PLXNA2: variants seen among roughly 807,000 people sequenced by gnomAD.
The protein encoded by PLXNA2 is plexin A2.
PLXNA2 carries 91 observed loss-of-function variants against 193.5 expected under a neutral mutation model. The ratio of observed to expected loss-of-function variants is 0.47; its 90% CI spans 0.40 to 0.56. The LOEUF (loss-of-function observed/expected upper bound fraction) is 0.56, where lower values mean the gene tolerates loss of function less well. Ranked by LOEUF, PLXNA2 falls within the 20% of genes least tolerant of loss-of-function variation. PLXNA2 has a pLI of 0.00. For missense variants in PLXNA2, 1,995 were observed against 2,503.2 expected (o/e 0.80, Z 4.33); for synonymous variants, 997 against 1,027.3 (o/e 0.97, Z 0.56).
At position 208,097,452 on chromosome 1, in the gene PLXNA2, A is replaced by G. The variant is rs145273158; in HGVS notation, c.1732-569T>C. Among the ~76,000 whole-genome samples, 545 of 152,268 alleles carry G rather than the reference A, an allele frequency of 3.6e-3. 2 individuals are homozygous for G. Among genetic ancestry groups the G allele is most frequent in the Non-Finnish European group, 5.3e-3 (361 of 68,026 alleles). ...GTTCCATGTGGGCTCTCTGTTCTCTAGCAGCTCCCTTGAAATGGACCAGTA... is the reference window on the plus strand; with the variant it reads ...GTTCCATGTGGGCTCTCTGTTCTCTGGCAGCTCCCTTGAAATGGACCAGTA... On this transcript the variant is annotated intron_variant, in intron 6 of 31. Transcript: ENST00000367033.
At position 208,190,528 on chromosome 1, in the gene PLXNA2, A is replaced by C. The variant is rs139057988; in HGVS notation, c.1371+19752T>G. 3.8e-3 allele frequency among the ~76,000 whole-genome samples: 572 copies of C among 152,356 alleles called. 2 individuals carry two copies. The highest frequency in any genetic ancestry group is 0.014 in the Middle Eastern group (4 of 294). ...TCCAGAAATGTTGGTTGCCTTGATC[A>C]GGGTTTGTCAACCTCAGTACTATCG... is the stretch of plus-strand genomic sequence containing the variant. On this transcript the variant is annotated intron_variant, in intron 3 of 31. Transcript: ENST00000367033.
intron 4 of PLXNA2, among the ~76,000 whole-genome samples, chr1:208,141,268 C>T (rs1214344396): frequency 1.3e-5 from 2 of 152,204 alleles, no homozygotes; most frequent in Admixed American, 1.3e-4. Flanking sequence ...GCTCATCCCT[C>T]ATCCCCTGAT....
At chr1:208,210,594 C>CT (rs1404566386) in intron 2 of PLXNA2, 132 bp from the exon 3 acceptor site, 5 of 686,344 alleles carry the variant, frequency 7.3e-6, no homozygotes, top group Non-Finnish European at 1.2e-5. Context: ...TTCAGGGGCC[C>CT]TAATACAAGC....
At chr1:208,092,759 T>C (rs1323802533) in intron 9 of PLXNA2, 27 bp downstream of exon 9, 1 of 1,523,998 alleles carries the variant, frequency 6.6e-7, no homozygotes, top group Admixed American at 1.7e-5. Flanking sequence ...CTGGGAACAC[T>C]GCCATGTTAG....
At position 208,121,453 on chromosome 1, in the gene PLXNA2, G is replaced by A. The variant is rs1178026699; in HGVS notation, c.1507-18206C>T. On this transcript the variant is annotated intron_variant, in intron 4 of 31. Coordinates refer to ENST00000367033, the MANE Select transcript of PLXNA2 (RefSeq NM_025179.4). ...CACCTTGAATTGTAATCAAAGGCAG[G>A]ACCAGGTGGAGGTAATTGAATCATG... is the stretch of plus-strand genomic sequence containing the variant. Among the ~76,000 whole-genome samples, 5 of 152,310 alleles carry A rather than the reference G, an allele frequency of 3.3e-5. No homozygotes were observed. In the East Asian group the frequency reaches 9.6e-4, roughly 29 times the overall value.
At chr1:208,225,549 G>C (rs1781018) in intron 1 of PLXNA2, among the ~76,000 whole-genome samples, 46,021 of 152,114 alleles carry the variant, frequency 0.3, 7,133 homozygotes, top group East Asian at 0.42. Context: ...CTGGGCTCAA[G>C]TGATCCTCTA....
intron 1 of PLXNA2, among the ~76,000 whole-genome samples, chr1:208,241,288 C>T (rs910293724): frequency 6.6e-6 from 1 of 152,202 alleles, no homozygotes; most frequent in African/African-American, 2.4e-5. Context: ...TTTACATTCA[C>T]CGCATCTGCA....
intron 3 of PLXNA2, among the ~76,000 whole-genome samples, chr1:208,157,663 A>C (rs1668977738): frequency 6.6e-6 from 1 of 152,196 alleles, no homozygotes. Context: ...ATAAAAATTC[A>C]TAGACTCCTG....
chr1:208,098,396 C>T (rs1666976650), intron 6 of PLXNA2, among the ~76,000 whole-genome samples: 1 of 150,206 alleles, frequency 6.7e-6, no homozygotes, highest in East Asian at 2.0e-4. Context: ...ACACTGACTT[C>T]GAATTGAGGC....
At chr1:208,114,641 G>T (rs555558085) in intron 4 of PLXNA2, among the ~76,000 whole-genome samples, 34 of 152,220 alleles carry the variant, frequency 2.2e-4, no homozygotes, top group African/African-American at 7.5e-4. Flanking sequence ...CCACTATCTC[G>T]CAGCTTTCCT....
At chr1:208,173,704 G>C (rs1166680516) in intron 3 of PLXNA2, among the ~76,000 whole-genome samples, 1 of 152,232 alleles carries the variant, frequency 6.6e-6, no homozygotes, top group African/African-American at 2.4e-5. Context: ...TGCTGAGCCT[G>C]TCTCAAGGGT....
rs34413554 is a variant in PLXNA2, at chr1:208,209,983, A to AATTTTTTTTTTTTTTTTTTTTTTTTTT, written c.1371+296_1371+297insAAAAAAAAAAAAAAAAAAAAAAAAAAT. 2.8e-3 allele frequency: 250 copies of AATTTTTTTTTTTTTTTTTTTTTTTTTT among 87,940 alleles called. 78 individuals carry two copies. The highest frequency in any genetic ancestry group is 0.017 in the East Asian group (42 of 2,452). The allele number at this position is 87,940 out of a possible 1,614,324, so 5.4% of individuals were successfully genotyped here. On this transcript the variant is annotated intron_variant, in intron 3 of 31. Transcript: ENST00000367033. Reference sequence around the variant, plus strand: ...TTGCTTGATTTGGGAATGAAGAGCAATTTTTTTTTTTTTTTTTTTTTGCTT... The same window carrying AATTTTTTTTTTTTTTTTTTTTTTTTTT: ...TTGCTTGATTTGGGAATGAAGAGCAAATTTTTTTTTTTTTTTTTTTTTTTTTTTTTTTTTTTTTTTTTTTTTTTGCTT...
intron 3 of PLXNA2, among the ~76,000 whole-genome samples, chr1:208,203,751 A>C (rs1303709792): frequency 6.6e-6 from 1 of 151,486 alleles, no homozygotes; most frequent in African/African-American, 2.4e-5. Context: ...GCTACAGCTC[A>C]GTTTCCTACA....
chr1:208,038,965 G>C lies in PLXNA2; in HGVS notation c.4520C>G (p.Pro1507Arg), dbSNP rs1005245951. ...GATCTCTGGACTGTTCTCGTTGTCA[G>C]GGTTGACGCAGTTCAGGATCTACAA... Reference protein sequence around the residue: ...YKTLILNCVNPDNENSPEIPV... With the variant: ...YKTLILNCVNRDNENSPEIPV... Residue 1507 changes from proline to arginine, a missense_variant, in exon 25 of 32, where the codon CCT becomes CGT. By Grantham distance (103) the Pro-to-Arg change is moderately radical. Transcript: ENST00000367033. This position sits in a 1 kb window ranked among gnomAD's most constrained non-coding sequence, Gnocchi z 4.1. The C allele has an allele frequency of 3.7e-6, 6 of 1,613,966 alleles. No individual in the cohort carries two copies. In the African/African-American group the frequency reaches 8.0e-5, roughly 22 times the overall value.
At chr1:208,185,714 A>AAAAAAAAAAAAAAAAAAAAAAAAAAG (rs1558234131) in intron 3 of PLXNA2, among the ~76,000 whole-genome samples, 1 of 135,920 alleles carries the variant, frequency 7.4e-6, no homozygotes, top group East Asian at 2.1e-4. Context: ...AAAAAAAAAA[A>AAAAAAAAAAAAAAAAAAAAAAAAAAG]AAAAGGAAAA....
At chr1:208,206,161 G>T (rs1670713597) in intron 3 of PLXNA2, among the ~76,000 whole-genome samples, 1 of 152,160 alleles carries the variant, frequency 6.6e-6, no homozygotes, top group Non-Finnish European at 1.5e-5. Context: ...TCTATGTCCT[G>T]CTTTATTCAC....
chr1:208,099,964 T>C (rs1468538691), intron 5 of PLXNA2, among the ~76,000 whole-genome samples: 3 of 151,900 alleles, frequency 2.0e-5, no homozygotes, highest in Admixed American at 2.0e-4. Context: ...GAAAAGCAAA[T>C]GAACTTTGGG....
At position 208,029,777 on chromosome 1, in the gene PLXNA2, G is replaced by A. The variant is rs1664445661; in HGVS notation, c.5226-735C>T. 4 of 985,562 alleles carry A rather than the reference G, an allele frequency of 4.1e-6. No individual in the cohort carries two copies. In the African/African-American group the frequency reaches 5.2e-5, roughly 13 times the overall value. The allele number at this position is 985,562 out of a possible 1,614,324, so 61.1% of individuals were successfully genotyped here. A position where few individuals can be genotyped will look rare whatever the true frequency, so the allele number is the denominator to read the frequency against. On this transcript the variant is annotated intron_variant, in intron 29 of 31. Transcript: ENST00000367033. Reference sequence around the variant, plus strand: ...GGAATTTATAACCAGAGGAGAATGAGTTTTCTCTGCTCCTTAGACCATAAA... The same window carrying A: ...GGAATTTATAACCAGAGGAGAATGAATTTTCTCTGCTCCTTAGACCATAAA...
At chr1:208,162,710 C>T (rs946831208) in intron 3 of PLXNA2, among the ~76,000 whole-genome samples, 10 of 152,192 alleles carry the variant, frequency 6.6e-5, no homozygotes, top group African/African-American at 2.4e-4. Flanking sequence ...CCTACAATAG[C>T]TCTATGAGGT....
Sources: gnomAD v4.1 joint callset for allele counts (sites outside exome capture counted in the v4.1 genomes callset) on GRCh38, gnomAD v4.1.1 for gene constraint, Gnocchi (gnomAD v3.1) non-coding constraint, MANE v1.5 for transcripts, NCBI Gene and HGNC (gene_info 2026-07-23, HGNC 2026-07-21) for gene names.